BOC: variants seen among roughly 807,000 people sequenced by gnomAD.
The protein encoded by BOC is BOC cell adhesion associated, oncogene regulated.
A neutral mutation model predicts 112.0 loss-of-function variants in BOC; 76 were observed. That is an observed-to-expected ratio of 0.68 (90% CI 0.56 to 0.82). The LOEUF (loss-of-function observed/expected upper bound fraction) is 0.82, where lower values mean the gene tolerates loss of function less well. Ranked by LOEUF, BOC falls within the 40% of genes least tolerant of loss-of-function variation. The probability of loss-of-function intolerance (pLI) is 0.00; values close to 1 mark genes in which losing one functional copy is unlikely to be tolerated. For missense variants in BOC, 1,309 were observed against 1,511.7 expected (o/e 0.87, Z 2.22); for synonymous variants, 580 against 599.8 (o/e 0.97, Z 0.48).
rs79397737 is a variant in BOC, at chr3:113,276,599, G to A, written c.1543-1496G>A. 5.6e-3 allele frequency among the ~76,000 whole-genome samples: 858 copies of A among 152,304 alleles called. 6 individuals are homozygous for A. The highest frequency in any genetic ancestry group is 0.019 in the African/African-American group (800 of 41,566). ...ATTTGAAATCGAAAGTCAGCATTCG[G>A]GCTGTGTTTTTTCATCCCCCTTCTC... is the stretch of plus-strand genomic sequence containing the variant. On this transcript the variant is annotated intron_variant, in intron 9 of 19. Coordinates refer to ENST00000682979, the MANE Select transcript of BOC (RefSeq NM_001378074.1).
chr3:113,263,660 T>C (rs1448778001), intron 4 of BOC, among the ~76,000 whole-genome samples: 1 of 152,228 alleles, frequency 6.6e-6, no homozygotes, highest in Non-Finnish European at 1.5e-5. Context: ...TTACAATTAA[T>C]ATTTGACAAT....
At chr3:113,279,203 G>A (rs376575204) in intron 11 of BOC, 46 bp from the exon 12 acceptor site, 15 of 1,584,204 alleles carry the variant, frequency 9.5e-6, no homozygotes, top group Middle Eastern at 2.0e-4. Context: ...CCTTCCTCAC[G>A]TCATCTCACC....
At position 113,268,133 on chromosome 3, in the gene BOC, ACTC is replaced by A. The variant is rs199692860; in HGVS notation, c.377-163_377-161del. ...TGATGAGGGCCCCACATTCTTACAA[ACTC>A]CTGTAGACAACAAGGGGCTGGAGGA... On this transcript the variant is annotated intron_variant, in intron 4 of 19. Transcript: ENST00000682979. 2.4e-4 allele frequency among the ~76,000 whole-genome samples: 36 copies of A among 152,000 alleles called. No homozygotes were observed. In the East Asian group the frequency reaches 7.0e-3, roughly 29 times the overall value.
intron 4 of BOC, among the ~76,000 whole-genome samples, chr3:113,257,847 A>C (rs1283465774): frequency 6.6e-6 from 1 of 152,224 alleles, no homozygotes; most frequent in Non-Finnish European, 1.5e-5. Context: ...ACAGCAAAGC[A>C]CTCATTCTCC....
chr3:113,217,693 A>C (rs1174272656), intron 2 of BOC, among the ~76,000 whole-genome samples: 1 of 152,160 alleles, frequency 6.6e-6, no homozygotes, highest in African/African-American at 2.4e-5. Flanking sequence ...TTCTTCCCTA[A>C]AACTCATTTT....
intron 4 of BOC, among the ~76,000 whole-genome samples, chr3:113,268,013 C>T (rs1947688522): frequency 6.6e-6 from 1 of 152,200 alleles, no homozygotes; most frequent in Non-Finnish European, 1.5e-5. Flanking sequence ...GCCCCCACAT[C>T]TCAGTGTAAC....
intron 6 of BOC, chr3:113,271,159 C>T (rs936030379): frequency 1.1e-5 from 8 of 714,778 alleles, no homozygotes; most frequent in East Asian, 1.1e-4. Context: ...CAGCACCAGG[C>T]GACTGCCTGC....
chr3:113,254,402 G>C (rs768161179), intron 4 of BOC, among the ~76,000 whole-genome samples: 1 of 152,190 alleles, frequency 6.6e-6, no homozygotes, highest in African/African-American at 2.4e-5. Flanking sequence ...ACGAGGTGGC[G>C]GGAAGGTGGG....
At chr3:113,284,637 G>C in intron 17 of BOC, 70 bp downstream of exon 17, 1 of 1,540,166 alleles carries the variant, frequency 6.5e-7, no homozygotes, top group Non-Finnish European at 8.9e-7. Context: ...TGCCTTGGGG[G>C]GCCTCCTCCC....
rs150780227 is a variant in BOC at position 113,245,955 on chromosome 3, G to C, written c.-81-3767G>C. ...GGTGTTCTCACTCTTGATCCAGTTA[G>C]TCAGCCAGCCCTCTTGGGAGGAAGT... On this transcript the variant is annotated intron_variant, in intron 2 of 19. Coordinates refer to ENST00000682979, the MANE Select transcript of BOC (RefSeq NM_001378074.1). Among the ~76,000 whole-genome samples, 728 of 152,300 alleles carry C rather than the reference G, an allele frequency of 4.8e-3. 9 individuals are homozygous for C. The highest frequency in any genetic ancestry group is 0.017 in the African/African-American group (701 of 41,556).
In BOC at chr3:113,278,233, A is replaced by C. The variant is rs887308881; in HGVS notation, c.1681A>C (p.Thr561Pro). 2.5e-6 allele frequency: 4 copies of C among 1,614,100 alleles called. No individual in the cohort carries two copies. In the African/African-American group the frequency reaches 4.0e-5, roughly 16 times the overall value. The change falls in exon 10 of 20, where the codon ACA becomes CCA. Residue 561 changes from threonine to proline, a missense_variant. By Grantham distance (38) the Thr-to-Pro change is conservative. Transcript: ENST00000682979. This position sits in a 1 kb window ranked among gnomAD's most constrained non-coding sequence, Gnocchi z 4.2. ...TTACAACTGTGCGGGAGAGGGCCAG[A>C]CAGCCATGGTCACCTTCCGAACTGG... ...AAYNCAGEGQ[T>P]AMVTFRTGRR...
At chr3:113,286,638 T>A (rs747138511) in intron 19 of BOC, 37 bp from the exon 20 acceptor site, 2 of 1,495,860 alleles carry the variant, frequency 1.3e-6, no homozygotes, top group Non-Finnish European at 1.8e-6. Context: ...CCTCGGTCAA[T>A]CTGGATTTTA....
intron 2 of BOC, among the ~76,000 whole-genome samples, chr3:113,221,050 G>A (rs1421307397): frequency 6.6e-6 from 1 of 152,178 alleles, no homozygotes; most frequent in Non-Finnish European, 1.5e-5. Flanking sequence ...GGGAGGCTTT[G>A]GAACCAGACA....
chr3:113,221,960 T>C (rs1281775377), intron 2 of BOC, among the ~76,000 whole-genome samples: 1 of 152,220 alleles, frequency 6.6e-6, no homozygotes. Flanking sequence ...AGGGGCTGTG[T>C]GCTTGCATTT....
chr3:113,276,399 A>G (rs1167831742), intron 9 of BOC, among the ~76,000 whole-genome samples: 1 of 152,080 alleles, frequency 6.6e-6, no homozygotes, highest in Non-Finnish European at 1.5e-5. Context: ...CTGGGAGGGC[A>G]GGGTACATGG....
intron 18 of BOC, 85 bp from the exon 19 acceptor site, chr3:113,285,287 A>G (rs1949568739): frequency 1.4e-6 from 2 of 1,394,146 alleles, no homozygotes; most frequent in South Asian, 1.2e-5. Flanking sequence ...TGATGCCCTC[A>G]GACAGGGAGA....
At chr3:113,238,793 C>G (rs886093707) in intron 2 of BOC, among the ~76,000 whole-genome samples, 11 of 152,202 alleles carry the variant, frequency 7.2e-5, no homozygotes, top group African/African-American at 2.4e-4. Context: ...CCTTACAGGG[C>G]TACTGTGAGA....
intron 6 of BOC, chr3:113,271,310 C>A: frequency 2.2e-6 from 1 of 454,104 alleles, no homozygotes; most frequent in Non-Finnish European, 4.4e-6. Context: ...CAGATGGCCA[C>A]GTGGGAGGCC....
At chr3:113,234,944 C>T (rs72942473) in intron 2 of BOC, among the ~76,000 whole-genome samples, 2,107 of 152,288 alleles carry the variant, frequency 0.014, 45 homozygotes, top group African/African-American at 0.047. Flanking sequence ...TCCATTGTTT[C>T]CCATAGGCAC....
Sources: gnomAD v4.1 joint callset for allele counts (sites outside exome capture counted in the v4.1 genomes callset) on GRCh38, gnomAD v4.1.1 for gene constraint, Gnocchi (gnomAD v3.1) non-coding constraint, MANE v1.5 for transcripts, NCBI Gene and HGNC (gene_info 2026-07-23, HGNC 2026-07-21) for gene names.